FGD6: variants seen among roughly 807,000 people sequenced by gnomAD.
FGD6 encodes the protein FYVE, RhoGEF and PH domain containing 6.
FGD6 carries 90 observed loss-of-function variants against 149.4 expected under a neutral mutation model. The observed-to-expected ratio is 0.60, with a 90% CI of 0.51 to 0.72. The LOEUF (loss-of-function observed/expected upper bound fraction) is 0.72, where lower values mean the gene tolerates loss of function less well. FGD6 is among the 30% of genes least tolerant of loss of function. The probability of loss-of-function intolerance (pLI) is 0.00; values close to 1 mark genes in which losing one functional copy is unlikely to be tolerated. For missense variants in FGD6, 1,437 were observed against 1,684.8 expected, an observed-to-expected ratio of 0.85 and a Z score of 2.57; for synonymous variants, 527 against 584.0, an observed-to-expected ratio of 0.90 and a Z score of 1.41.
At chr12:95,144,988 C>CT (rs34338776) in intron 5 of FGD6, among the ~76,000 whole-genome samples, 2,562 of 98,802 alleles carry the variant, frequency 0.026, 262 homozygotes, top group African/African-American at 0.081. Flanking sequence ...CGCACCCGGC[C>CT]TTTTTTTTTT....
Position 95,172,602 on chromosome 12 carries a change from GT to G in FGD6, c.2583del (p.Lys861AsnfsTer8). The G allele has an allele frequency of 6.2e-7, 1 of 1,604,702 alleles. No homozygotes were observed. The highest frequency in any genetic ancestry group is 8.5e-7 in the Non-Finnish European group (1 of 1,174,450). ...AGCAATTAAGTACCAAAGTATACCT[GT>G]TTATCTTCCAGTGGGTCAGGCTCTC... ...SKGEPDPLED[K>X]QDEDNGMKSK... On this transcript the variant is annotated frameshift_variant, in exon 3 of 21. Coordinates refer to ENST00000343958, the MANE Select transcript of FGD6 (RefSeq NM_018351.4). LOFTEE classifies it high-confidence loss of function.
chr12:95,147,932 C>T (rs1243347241), intron 5 of FGD6, among the ~76,000 whole-genome samples: 2 of 152,072 alleles, frequency 1.3e-5, no homozygotes, highest in African/African-American at 2.4e-5. Flanking sequence ...CTCCCTCTCT[C>T]CACAAGTCCC....
At chr12:95,173,977 C>G (rs997711430) in intron 2 of FGD6, among the ~76,000 whole-genome samples, 1 of 152,178 alleles carries the variant, frequency 6.6e-6, no homozygotes, top group African/African-American at 2.4e-5. Flanking sequence ...AACTGTTACA[C>G]AAACCAGCTG....
At chr12:95,205,137 A>G (rs1307134272) in intron 2 of FGD6, among the ~76,000 whole-genome samples, 1 of 152,022 alleles carries the variant, frequency 6.6e-6, no homozygotes, top group Non-Finnish European at 1.5e-5. Context: ...GTGTGGTGGC[A>G]CATGCCTGTG....
chr12:95,137,732 A>G (rs1487158190), intron 6 of FGD6, 54 bp from the exon 7 acceptor site: 24 of 1,301,556 alleles, frequency 1.8e-5, no homozygotes, highest in Non-Finnish European at 2.3e-5. Context: ...TGATGAACAT[A>G]TGCAATGATA....
intron 8 of FGD6, among the ~76,000 whole-genome samples, chr12:95,119,671 C>T (rs7961466): frequency 0.28 from 41,875 of 152,152 alleles, 6,055 homozygotes; most frequent in Non-Finnish European, 0.27. Context: ...TGGCTTACAC[C>T]TGTAATCTCA....
intron 7 of FGD6, among the ~76,000 whole-genome samples, chr12:95,136,251 G>A (rs934203590): frequency 3.3e-5 from 5 of 152,078 alleles, no homozygotes; most frequent in Admixed American, 1.3e-4. Context: ...CCAGCTACTC[G>A]GGAGGCTGAG....
At chr12:95,107,461 G>C in intron 12 of FGD6, 102 bp downstream of exon 12, 3 of 1,080,092 alleles carry the variant, frequency 2.8e-6, no homozygotes, top group African/African-American at 1.6e-5. Context: ...TGGTGAGGCT[G>C]ATATTTGAAG....
chr12:95,119,912 T>A (rs1317798822), intron 8 of FGD6, among the ~76,000 whole-genome samples: 2 of 143,590 alleles, frequency 1.4e-5, no homozygotes, highest in African/African-American at 5.2e-5. Flanking sequence ...AGAGCAAGAC[T>A]CCATCTCAAA....
intron 20 of FGD6, among the ~76,000 whole-genome samples, chr12:95,083,652 A>G (rs882583): frequency 0.12 from 18,573 of 152,256 alleles, 1,484 homozygotes; most frequent in Non-Finnish European, 0.18. Flanking sequence ...GAGTGTGTGT[A>G]ACATTGTGCC....
At chr12:95,132,431 C>G (rs1879548114) in intron 8 of FGD6, among the ~76,000 whole-genome samples, 1 of 152,170 alleles carries the variant, frequency 6.6e-6, no homozygotes, top group Non-Finnish European at 1.5e-5. Flanking sequence ...CTTTTTACTA[C>G]TTAGAACAGT....
intron 2 of FGD6, among the ~76,000 whole-genome samples, chr12:95,202,813 T>C (rs1019314651): frequency 3.3e-5 from 5 of 152,238 alleles, no homozygotes; most frequent in Non-Finnish European, 7.3e-5. Context: ...GCCAGAACTG[T>C]GTGGCTACAA....
chr12:95,143,314 G>C (rs1375011128), intron 5 of FGD6, among the ~76,000 whole-genome samples: 4 of 147,610 alleles, frequency 2.7e-5, no homozygotes, highest in Non-Finnish European at 4.5e-5. Flanking sequence ...TTTTAACTCT[G>C]GACAACCAAA....
chr12:95,180,382 T>A (rs1881248754), intron 2 of FGD6, among the ~76,000 whole-genome samples: 1 of 150,454 alleles, frequency 6.6e-6, no homozygotes, highest in Non-Finnish European at 1.5e-5. Flanking sequence ...ATTTTTTTTT[T>A]TTTTTTTTTT....
intron 6 of FGD6, 143 bp downstream of exon 6, chr12:95,141,245 A>G (rs1879832896): frequency 2.2e-6 from 2 of 925,846 alleles, no homozygotes. Flanking sequence ...CAAACAAAAC[A>G]AAATCAATCT....
chr12:95,136,363 A>G (rs1879666767), intron 7 of FGD6, among the ~76,000 whole-genome samples: 1 of 152,182 alleles, frequency 6.6e-6, no homozygotes, highest in African/African-American at 2.4e-5. Context: ...ATCTCAAAAA[A>G]CAAAACAAAA....
chr12:95,162,169 A>C (rs929394265), intron 3 of FGD6, among the ~76,000 whole-genome samples: 1 of 150,294 alleles, frequency 6.7e-6, no homozygotes, highest in African/African-American at 2.4e-5. Context: ...TGAGAGACTG[A>C]GGTAGGAGGA....
chr12:95,185,891 C>G (rs1881416273), intron 2 of FGD6, among the ~76,000 whole-genome samples: 1 of 152,004 alleles, frequency 6.6e-6, no homozygotes, highest in Admixed American at 6.6e-5. Flanking sequence ...AGATAACATA[C>G]CACCTGCAAT....
chr12:95,217,400 G>C lies in FGD6; in HGVS notation c.-160C>G. 1.6e-6 allele frequency: 2 copies of C among 1,213,106 alleles called. No individual in the cohort carries two copies. Among genetic ancestry groups the C allele is most frequent in the Non-Finnish European group, 2.2e-6 (2 of 916,330 alleles). 75.1% of individuals were successfully genotyped at this position (1,213,106 alleles called of 1,614,324 possible). On this transcript the variant is annotated 5_prime_UTR_variant, in exon 1 of 21. Transcript: ENST00000343958. ...AGCCTGAGCGCCACACAAAGGACGC[G>C]GCCGACTCTAGCGACCCTGCGGCGC... is the stretch of plus-strand genomic sequence containing the variant.
Sources: gnomAD v4.1 joint callset for allele counts (sites outside exome capture counted in the v4.1 genomes callset) on GRCh38, gnomAD v4.1.1 for gene constraint, MANE v1.5 for transcripts, NCBI Gene and HGNC (gene_info 2026-07-23, HGNC 2026-07-21) for gene names.